Variants in ACSS1 observed in about 807,000 individuals in gnomAD.
ACSS1 encodes acyl-CoA synthetase short chain family member 1, also known as acetyl-coenzyme A synthetase 2-like, mitochondrial.
A neutral mutation model predicts 75.3 loss-of-function variants in ACSS1; 42 were observed. That is an observed-to-expected ratio of 0.56 (90% CI 0.44 to 0.72). The LOEUF is 0.72. Among genes scored for constraint, ACSS1 ranks in the 30% least tolerant of loss-of-function variants. The probability of loss-of-function intolerance (pLI) is 0.00; values close to 1 mark genes in which losing one functional copy is unlikely to be tolerated. For missense variants in ACSS1, 782 were observed against 935.7 expected (o/e 0.84, Z 2.14); for synonymous variants, 380 against 376.8 (o/e 1.01, Z -0.10).
chr20:25,042,926 TGGA>T (rs928358922), intron 2 of ACSS1, among the ~76,000 whole-genome samples: 6 of 152,086 alleles, frequency 3.9e-5, no homozygotes, highest in Non-Finnish European at 7.4e-5. Flanking sequence ...AGCAGCCCAG[TGGA>T]GGAGAAGTGT....
In ACSS1 at chr20:25,006,532, AC is replaced by A. The variant is rs2088310321; in HGVS notation, c.*1229del. 1.1e-5 allele frequency: 3 copies of A among 285,386 alleles called. No individual in the cohort carries two copies. The highest frequency in any genetic ancestry group is 2.0e-5 in the Non-Finnish European group (3 of 148,388). The allele number at this position is 285,386 out of a possible 1,614,324, so 17.7% of individuals were successfully genotyped here. A position where few individuals can be genotyped will look rare whatever the true frequency, so the allele number is the denominator to read the frequency against. ...CGAGTGGGTACTCAGTGGCCCAGACACCCCCCGAACACTGGCACTGCCACAA... is the reference window on the plus strand; with the variant it reads ...CGAGTGGGTACTCAGTGGCCCAGACACCCCCGAACACTGGCACTGCCACAA... On this transcript the variant is annotated 3_prime_UTR_variant, in exon 14 of 14. Transcript: ENST00000323482.
chr20:25,007,589 T>C lies in ACSS1; in HGVS notation c.*173A>G. The C allele has an allele frequency of 2.1e-6, 3 of 1,452,528 alleles. No homozygotes were observed. Among genetic ancestry groups the C allele is most frequent in the East Asian group, 4.9e-5 (2 of 41,108 alleles). The allele number at this position is 1,452,528 out of a possible 1,614,324, so 90.0% of individuals were successfully genotyped here. On this transcript the variant is annotated 3_prime_UTR_variant, in exon 14 of 14. Transcript: ENST00000323482. ...TGGGTGACACTCCTGGGACCTCCAA[T>C]GGATGGGAGAAAGGGCTCTCAGCCC...
chr20:25,021,294 C>T (rs979392529), intron 6 of ACSS1, 95 bp downstream of exon 6: 7 of 1,469,540 alleles, frequency 4.8e-6, no homozygotes, highest in South Asian at 4.1e-5. Context: ...AGAACCCAGG[C>T]GTCCCCCTTC....
At chr20:25,015,080 A>T in intron 8 of ACSS1, 58 bp downstream of exon 8, 1 of 1,489,970 alleles carries the variant, frequency 6.7e-7, no homozygotes, top group South Asian at 1.2e-5. Flanking sequence ...TCCCAGCCTC[A>T]CACCTGACCC....
At chr20:25,009,182 G>A in intron 13 of ACSS1, 88 bp downstream of exon 13, 1 of 1,178,822 alleles carries the variant, frequency 8.5e-7, no homozygotes, top group South Asian at 1.3e-5. Flanking sequence ...AATTGGAAAA[G>A]AGTAATATGC....
At chr20:25,033,371 T>C (rs979635326) in intron 2 of ACSS1, among the ~76,000 whole-genome samples, 3 of 152,180 alleles carry the variant, frequency 2.0e-5, no homozygotes, top group Admixed American at 6.5e-5. Flanking sequence ...TGCCTAGACA[T>C]GGGAGCTTAT....
rs371471905 is a variant in ACSS1, at chr20:25,048,138, A to T, written c.378T>A (p.Val126=). 1.5e-5 allele frequency: 25 copies of T among 1,613,256 alleles called. No homozygotes were observed. Among genetic ancestry groups the T allele is most frequent in the Non-Finnish European group, 1.8e-5 (21 of 1,179,918 alleles). The change falls in exon 2 of 14, where the codon GTT becomes GTA. Residue 126 remains valine, a synonymous_variant. Coordinates refer to ENST00000323482, the MANE Select transcript of ACSS1 (RefSeq NM_032501.4). ...DQHVRKSPES[V]ALIWERDEPG... is the part of the protein sequence containing the mutation. ...GCTCATCGCGCTCCCAGATCAAAGC[A>T]ACGCTCTCGGGGGACTTCCGAACAT...
chr20:25,019,076 C>T (rs756688168), intron 7 of ACSS1, among the ~76,000 whole-genome samples: 3 of 152,246 alleles, frequency 2.0e-5, no homozygotes, highest in Non-Finnish European at 4.4e-5. Flanking sequence ...CACATGTTCA[C>T]TGGGAGGTAC....
chr20:25,008,116 C>G (rs1226603990), intron 13 of ACSS1, among the ~76,000 whole-genome samples, 175 bp from the exon 14 acceptor site: 1 of 152,196 alleles, frequency 6.6e-6, no homozygotes, highest in Non-Finnish European at 1.5e-5. Context: ...TTGGCTTTAT[C>G]CTCCTACTGT....
rs1190276716 is a variant in ACSS1 at position 25,013,955 on chromosome 20, A to G, written c.1452+6T>C. On this transcript the variant is annotated splice_donor_region_variant and intron_variant, in intron 9 of 13. Transcript: ENST00000323482. ...TGACCCCCATGTGGGGGAGGCCCAT[A>G]CACACCTTCTCATCCATGAGGACGG... 7 of 1,612,514 alleles carry G rather than the reference A, an allele frequency of 4.3e-6. No homozygotes were observed.
Position 25,019,252 on chromosome 20 carries a change from A to G in ACSS1, c.1246+758T>C, listed in dbSNP as rs1323427272. Among the ~76,000 whole-genome samples, 7 of 152,352 alleles carry G rather than the reference A, an allele frequency of 4.6e-5. No individual in the cohort carries two copies. The East Asian group carries it at 1.3e-3, about 29-fold the overall frequency. The stretch of plus-strand genomic sequence containing the variant: ...AGGGACAGGAGAGAGAACAGCAGTC[A>G]CCAGCACCCAGTCCCTCCCAGCACC... On this transcript the variant is annotated intron_variant, in intron 7 of 13. Transcript: ENST00000323482.
chr20:25,036,817 G>A (rs1028758683), intron 2 of ACSS1, among the ~76,000 whole-genome samples: 8 of 151,878 alleles, frequency 5.3e-5, no homozygotes, highest in Non-Finnish European at 1.2e-4. Context: ...TTAGCCAGGC[G>A]TGGTGCTGCA....
intron 8 of ACSS1, 34 bp from the exon 9 acceptor site, chr20:25,014,107 G>T: frequency 6.5e-7 from 1 of 1,533,330 alleles, no homozygotes; most frequent in Non-Finnish European, 8.8e-7. Flanking sequence ...TGCATAATCG[G>T]CCCCGGACCC....
intron 2 of ACSS1, among the ~76,000 whole-genome samples, chr20:25,038,829 A>G (rs978275198): frequency 1.3e-5 from 2 of 152,088 alleles, no homozygotes; most frequent in Non-Finnish European, 2.9e-5. Context: ...TCCACCCCAC[A>G]TGCTCTGCAC....
At chr20:25,016,863 G>A (rs2088525663) in intron 7 of ACSS1, among the ~76,000 whole-genome samples, 1 of 152,234 alleles carries the variant, frequency 6.6e-6, no homozygotes, top group Non-Finnish European at 1.5e-5. Context: ...TAACTTTGGT[G>A]TTAAAGAAAA....
intron 2 of ACSS1, among the ~76,000 whole-genome samples, chr20:25,032,206 C>A (rs1277353791): frequency 1.3e-5 from 2 of 152,220 alleles, no homozygotes; most frequent in African/African-American, 4.8e-5. Context: ...TCCTCTCTGG[C>A]CACTCTGGGG....
chr20:25,007,580 G>A lies in ACSS1; in HGVS notation c.*182C>T. 2.1e-6 allele frequency: 3 copies of A among 1,442,990 alleles called. No homozygotes were observed. Among genetic ancestry groups the A allele is most frequent in the Non-Finnish European group, 1.8e-6 (2 of 1,103,320 alleles). The allele number at this position is 1,442,990 out of a possible 1,614,324, so 89.4% of individuals were successfully genotyped here. On this transcript the variant is annotated 3_prime_UTR_variant, in exon 14 of 14. Transcript: ENST00000323482. Reference sequence around the variant, plus strand: ...GCCTCTCCATGGGTGACACTCCTGGGACCTCCAATGGATGGGAGAAAGGGC... The same window carrying A: ...GCCTCTCCATGGGTGACACTCCTGGAACCTCCAATGGATGGGAGAAAGGGC...
intron 2 of ACSS1, among the ~76,000 whole-genome samples, chr20:25,036,063 G>T (rs1207334868): frequency 6.6e-6 from 1 of 152,168 alleles, no homozygotes; most frequent in African/African-American, 2.4e-5. Context: ...CAAAGCACGG[G>T]GACATGCAGC....
At position 25,035,019 on chromosome 20, in the gene ACSS1, G is replaced by C. The variant is rs146555365; in HGVS notation, c.432-4061C>G. On this transcript the variant is annotated intron_variant, in intron 2 of 13. Coordinates refer to ENST00000323482, the MANE Select transcript of ACSS1 (RefSeq NM_032501.4). Reference sequence around the variant, plus strand: ...GCCATTCTCCTGCCTCAGCCCAGCCGGAGTAGCTGGGACTACAGGTGCCCG... The same window carrying C: ...GCCATTCTCCTGCCTCAGCCCAGCCCGAGTAGCTGGGACTACAGGTGCCCG... Among the ~76,000 whole-genome samples, 415 of 151,326 alleles carry C rather than the reference G, an allele frequency of 2.7e-3. 12 individuals are homozygous for C. In the East Asian group the frequency reaches 0.066, roughly 24 times the overall value.
Sources: gnomAD v4.1 joint callset for allele counts (sites outside exome capture counted in the v4.1 genomes callset) on GRCh38, gnomAD v4.1.1 for gene constraint, MANE v1.5 for transcripts, NCBI Gene and HGNC (gene_info 2026-07-23, HGNC 2026-07-21) for gene names.